The following TM9SF2 variants were observed in gnomAD, a reference collection of about 807,000 sequenced individuals.
The protein encoded by TM9SF2 is transmembrane 9 superfamily member 2.
A neutral mutation model predicts 84.9 loss-of-function variants in TM9SF2; 13 were observed. The ratio of observed to expected loss-of-function variants is 0.15; its 90% CI spans 0.10 to 0.24. The LOEUF (loss-of-function observed/expected upper bound fraction) is 0.24. Ranked by LOEUF, TM9SF2 falls within the 10% of genes least tolerant of loss-of-function variation. The pLI is 1.00. For synonymous variants in TM9SF2, 273 were observed against 285.8 expected (o/e 0.96, Z 0.45); for missense variants, 562 against 818.5 (o/e 0.69, Z 3.82).
intron 1 of TM9SF2, among the ~76,000 whole-genome samples, chr13:99,504,607 G>T (rs567545232): frequency 6.6e-6 from 1 of 152,084 alleles, no homozygotes; most frequent in Non-Finnish European, 1.5e-5. Flanking sequence ...AGAATGCTGA[G>T]GATTTAGTAA....
At position 99,549,198 on chromosome 13, in the gene TM9SF2, T is replaced by C; in HGVS notation, c.1304T>C (p.Leu435Ser). Reference sequence around the variant, plus strand: ...GGTGAGAAGTGGAAAACAAATGTTTTATTAACATCATTTCTTTGTCCTGGG... The same window carrying C: ...GGTGAGAAGTGGAAAACAAATGTTTCATTAACATCATTTCTTTGTCCTGGG... ...FGGEKWKTNV[L>S]LTSFLCPGIV... The change falls in exon 12 of 17, where the codon TTA becomes TCA. Residue 435 changes from leucine (L) to serine (S), a missense_variant. Transcript: ENST00000376387. The C allele has an allele frequency of 6.2e-7, 1 of 1,613,556 alleles. No homozygotes were observed. The highest frequency in any genetic ancestry group is 8.5e-7 in the Non-Finnish European group (1 of 1,179,694).
At chr13:99,527,229 C>T (rs1209941677) in intron 3 of TM9SF2, among the ~76,000 whole-genome samples, 1 of 151,992 alleles carries the variant, frequency 6.6e-6, no homozygotes, top group African/African-American at 2.4e-5. Flanking sequence ...TGGGATTAGT[C>T]CTGCCCATTA....
At chr13:99,528,767 T>C (rs9557252) in intron 3 of TM9SF2, among the ~76,000 whole-genome samples, 2 of 152,346 alleles carry the variant, frequency 1.3e-5, no homozygotes, top group South Asian at 4.1e-4. Context: ...CAGTGGACTA[T>C]GCTTAAACAT....
chr13:99,560,704 C>T (rs182522287), intron 16 of TM9SF2, among the ~76,000 whole-genome samples: 106 of 152,076 alleles, frequency 7.0e-4, no homozygotes, highest in African/African-American at 2.0e-3. Flanking sequence ...TTTTTTGAGA[C>T]GGAGTCTCAC....
rs1476326975 is a variant in TM9SF2 at position 99,501,553 on chromosome 13, C to T, written c.-54C>T. On this transcript the variant is annotated 5_prime_UTR_variant, in exon 1 of 17. Coordinates refer to ENST00000376387, the MANE Select transcript of TM9SF2 (RefSeq NM_004800.3). ...TAGTCGTCTCCGAGACTCCCCACCC[C>T]TCCTTCCCTCTTGACCCCCTAGGTT... 8.8e-6 allele frequency: 14 copies of T among 1,583,124 alleles called. No individual in the cohort carries two copies. The highest frequency in any genetic ancestry group is 2.2e-5 in the South Asian group (2 of 89,100).
intron 1 of TM9SF2, among the ~76,000 whole-genome samples, chr13:99,502,721 G>T (rs958951214): frequency 6.6e-6 from 1 of 152,206 alleles, no homozygotes; most frequent in Non-Finnish European, 1.5e-5. Context: ...ACATTTGGGG[G>T]ATGAGGATCT....
chr13:99,515,592 T>C (rs563587863), intron 1 of TM9SF2, among the ~76,000 whole-genome samples: 2 of 152,358 alleles, frequency 1.3e-5, no homozygotes, highest in African/African-American at 4.8e-5. Context: ...TTTTAGTGGA[T>C]GAACACTTCC....
chr13:99,509,049 A>AAGTC (rs1050033414), intron 1 of TM9SF2, among the ~76,000 whole-genome samples: 50 of 152,212 alleles, frequency 3.3e-4, no homozygotes, highest in African/African-American at 1.2e-3. Context: ...GAGACAAGGA[A>AAGTC]AGTCCCTTCT....
chr13:99,520,120 A>G lies in TM9SF2; in HGVS notation c.324A>G (p.Ser108=). The change falls in exon 3 of 17, where the codon TCA becomes TCG. Residue 108 remains serine (S), a synonymous_variant. Coordinates refer to ENST00000376387, the MANE Select transcript of TM9SF2 (RefSeq NM_004800.3). ...QVLFGERIEP[S]PYKFTFNKKE... Reference sequence around the variant, plus strand: ...TATTCGGGGAAAGAATTGAACCTTCACCATATAAGGTTTGTATTTAGTGTT... The same window carrying G: ...TATTCGGGGAAAGAATTGAACCTTCGCCATATAAGGTTTGTATTTAGTGTT... The G allele has an allele frequency of 6.2e-7, 1 of 1,612,696 alleles. No individual in the cohort carries two copies. The highest frequency in any genetic ancestry group is 1.1e-5 in the South Asian group (1 of 90,902).
chr13:99,501,705 C>T lies in TM9SF2; in HGVS notation c.99C>T (p.Ser33=), dbSNP rs1446892879. The T allele has an allele frequency of 5.0e-6, 8 of 1,611,844 alleles. No homozygotes were observed. The highest frequency in any genetic ancestry group is 1.7e-5 in the Admixed American group (1 of 59,448). ...LLGAVPGPRR[S]GAFYLPGLAP... ...GGGCGGTTCCTGGCCCGCGCCGGAG[C>T]GGCGCTTTCTACCTGCCCGGCCTGG... is the stretch of plus-strand genomic sequence containing the variant. Residue 33 remains serine, a synonymous_variant, in exon 1 of 17, where the codon AGC becomes AGT. Transcript: ENST00000376387.
chr13:99,543,826 C>T (rs2046270855), intron 9 of TM9SF2, 37 bp from the exon 10 acceptor site: 6 of 1,608,870 alleles, frequency 3.7e-6, no homozygotes, highest in Middle Eastern at 1.6e-4. Flanking sequence ...CTTGTTGATA[C>T]CATGAGACAA....
chr13:99,540,600 T>G (rs966900059), intron 7 of TM9SF2, 114 bp from the exon 8 acceptor site: 2 of 687,404 alleles, frequency 2.9e-6, no homozygotes, highest in Non-Finnish European at 4.7e-6. Context: ...TTAGATAATT[T>G]AGAAATTGCA....
At chr13:99,552,392 A>C in intron 13 of TM9SF2, 66 bp downstream of exon 13, 2 of 1,457,072 alleles carry the variant, frequency 1.4e-6, no homozygotes, top group Non-Finnish European at 1.9e-6. Flanking sequence ...ATGCCATCTC[A>C]AAAGATACCA....
At chr13:99,511,806 A>G (rs183219969) in intron 1 of TM9SF2, among the ~76,000 whole-genome samples, 2 of 152,338 alleles carry the variant, frequency 1.3e-5, no homozygotes, top group East Asian at 3.9e-4. Context: ...GTCAGAAGAG[A>G]CAAGAAGGAA....
chr13:99,508,443 A>ACACACACACACACACACACC (rs1311954976), intron 1 of TM9SF2, among the ~76,000 whole-genome samples: 88 of 147,544 alleles, frequency 6.0e-4, no homozygotes, highest in Middle Eastern at 3.5e-3. Flanking sequence ...ACACACACAC[A>ACACACACACACACACACACC]CCCCAGAGAT....
chr13:99,543,521 A>G (rs1486473113), intron 9 of TM9SF2, among the ~76,000 whole-genome samples: 1 of 152,264 alleles, frequency 6.6e-6, no homozygotes, highest in Non-Finnish European at 1.5e-5. Flanking sequence ...AGTAGGATGA[A>G]GAGGATAGAA....
intron 4 of TM9SF2, among the ~76,000 whole-genome samples, chr13:99,535,637 C>CACCTAAAAACCTA (rs1356561448): frequency 2.0e-5 from 3 of 152,124 alleles, no homozygotes; most frequent in Non-Finnish European, 4.4e-5. Flanking sequence ...GGTGACGAGA[C>CACCTAAAAACCTA]ATGTTTTATT....
intron 1 of TM9SF2, among the ~76,000 whole-genome samples, chr13:99,506,840 C>G (rs2046090805): frequency 6.6e-6 from 1 of 152,240 alleles, no homozygotes; most frequent in Non-Finnish European, 1.5e-5. Context: ...CAAACCCTTA[C>G]TTCCCTATTC....
At chr13:99,528,477 G>T (rs545937886) in intron 3 of TM9SF2, among the ~76,000 whole-genome samples, 1 of 152,318 alleles carries the variant, frequency 6.6e-6, no homozygotes, top group East Asian at 1.9e-4. Flanking sequence ...CTTCACAATT[G>T]AACACACAGG....
Sources: gnomAD v4.1 joint callset for allele counts (sites outside exome capture counted in the v4.1 genomes callset) on GRCh38, gnomAD v4.1.1 for gene constraint, MANE v1.5 for transcripts, NCBI Gene and HGNC (gene_info 2026-07-23, HGNC 2026-07-21) for gene names.